The following PDGFB variants were observed in gnomAD, a reference collection of about 807,000 sequenced individuals.
PDGFB encodes platelet-derived growth factor subunit B.
Under a neutral mutation model 29.0 loss-of-function variants are expected in PDGFB, and 6 were observed. The ratio of observed to expected loss-of-function variants is 0.21; its 90% CI spans 0.11 to 0.41. The LOEUF (loss-of-function observed/expected upper bound fraction) is 0.41. PDGFB is among the 10% of genes least tolerant of loss of function. The pLI is 1.00. For missense variants in PDGFB, 299 were observed against 341.8 expected (o/e 0.87, Z 0.99); for synonymous variants, 144 against 140.8 (o/e 1.02, Z -0.16).
chr22:39,228,975 C>A (rs1337901604), intron 5 of PDGFB, among the ~76,000 whole-genome samples: 1 of 151,162 alleles, frequency 6.6e-6, no homozygotes, highest in Non-Finnish European at 1.5e-5. Context: ...TACAACATGT[C>A]AGTTTGAAGC....
chr22:39,242,530 C>T lies in PDGFB; in HGVS notation c.63+1371G>A, dbSNP rs534895535. Among the ~76,000 whole-genome samples the T allele has an allele frequency of 6.2e-3, 937 of 150,588 alleles. 15 individuals are homozygous for T. The highest frequency in any genetic ancestry group is 0.022 in the African/African-American group (908 of 41,324). ...GGGCCTGAAGGCGGCCCGGCCGAGC[C>T]CCGCGTCCTCCCTCCCGGGTGCGGG... On this transcript the variant is annotated intron_variant, in intron 1 of 6. Coordinates refer to ENST00000331163, the MANE Select transcript of PDGFB (RefSeq NM_002608.4). This position sits in a 1 kb window ranked among gnomAD's most constrained non-coding sequence, Gnocchi z 5.7.
chr22:39,232,033 TG>T (rs1277495603), intron 3 of PDGFB, among the ~76,000 whole-genome samples: 1 of 103,992 alleles, frequency 9.6e-6, no homozygotes, highest in East Asian at 2.7e-4. Flanking sequence ...CATCTGAAAA[TG>T]GGACCATGAG....
Position 39,243,626 on chromosome 22 carries a change from T to G in PDGFB, c.63+275A>C, listed in dbSNP as rs1162696165. 2.0e-5 allele frequency among the ~76,000 whole-genome samples: 3 copies of G among 151,438 alleles called. No individual in the cohort carries two copies. Among genetic ancestry groups the G allele is most frequent in the African/African-American group, 7.3e-5 (3 of 41,208 alleles). ...GGCTTGTTCTCGGGTTCCCAAAGGGTGGGGGACAGGGCCACACACACCCTC... is the reference window on the plus strand; with the variant it reads ...GGCTTGTTCTCGGGTTCCCAAAGGGGGGGGGACAGGGCCACACACACCCTC... On this transcript the variant is annotated intron_variant, in intron 1 of 6. Transcript: ENST00000331163. This position sits in a 1 kb window ranked among gnomAD's most constrained non-coding sequence, Gnocchi z 6.4.
intron 5 of PDGFB, 111 bp from the exon 6 acceptor site, chr22:39,225,958 G>A: frequency 7.8e-7 from 1 of 1,276,826 alleles, no homozygotes; most frequent in South Asian, 1.5e-5. Context: ...GACAGGAGGG[G>A]AATCTGGACC....
rs964230701 is a variant in PDGFB, at chr22:39,224,713, C to T, written c.*629G>A. ...CCAGCCACTTGGTGTGCTGGCCACA[C>T]CCACCAAGAGGAGTCCACGTCTTCA... On this transcript the variant is annotated 3_prime_UTR_variant, in exon 7 of 7. Transcript: ENST00000331163. The T allele has an allele frequency of 6.6e-5, 10 of 152,350 alleles. No individual in the cohort carries two copies. Among genetic ancestry groups the T allele is most frequent in the Non-Finnish European group, 1.2e-4 (8 of 68,052 alleles). 9.4% of individuals were successfully genotyped at this position (152,350 alleles called of 1,614,324 possible).
intron 5 of PDGFB, among the ~76,000 whole-genome samples, chr22:39,229,671 T>C (rs2285100): frequency 0.37 from 56,414 of 151,972 alleles, 10,978 homozygotes; most frequent in Middle Eastern, 0.48. Context: ...CTGCTCTGGA[T>C]GGGGTGGTCA....
intron 2 of PDGFB, 66 bp from the exon 3 acceptor site, chr22:39,233,590 G>T (rs1226857230): frequency 2.7e-5 from 32 of 1,170,854 alleles, no homozygotes; most frequent in Non-Finnish European, 3.7e-5. Context: ...CTCCGCCGGG[G>T]TGTCTGGGCA....
At chr22:39,225,358 G>A (rs1320143175) in intron 6 of PDGFB, 45 bp from the exon 7 acceptor site, 1 of 193,808 alleles carries the variant, frequency 5.2e-6, no homozygotes, top group African/African-American at 2.3e-5. Context: ...ACAGCCTAGA[G>A]GGTCCATCCC....
At chr22:39,237,834 G>C (rs2146449800) in intron 1 of PDGFB, among the ~76,000 whole-genome samples, 1 of 152,360 alleles carries the variant, frequency 6.6e-6, no homozygotes, top group East Asian at 1.9e-4. Context: ...CGAGGGGCTT[G>C]AAGAACATTC....
At chr22:39,230,834 G>A (rs998929394) in intron 4 of PDGFB, among the ~76,000 whole-genome samples, 2 of 152,232 alleles carry the variant, frequency 1.3e-5, no homozygotes, top group South Asian at 2.1e-4. Flanking sequence ...GGCAAGGGCC[G>A]GTGCTGAGCT....
In PDGFB at chr22:39,243,259, TC is replaced by T. The variant is rs1169657847; in HGVS notation, c.63+641del. 6.5e-5 allele frequency among the ~76,000 whole-genome samples: 2 copies of T among 30,924 alleles called. No individual in the cohort carries two copies. Among genetic ancestry groups the T allele is most frequent in the Non-Finnish European group, 2.0e-4 (2 of 10,114 alleles). 20.3% of individuals were successfully genotyped at this position (30,924 alleles called of 152,430 possible). A position where few individuals can be genotyped will look rare whatever the true frequency, so the allele number is the denominator to read the frequency against. ...CTCTCCGTCTCTCTCTCCGTCTCTC[TC>T]TCTCTCTCTCTCTTTCTCTCTCTCT... On this transcript the variant is annotated intron_variant, in intron 1 of 6. Coordinates refer to ENST00000331163, the MANE Select transcript of PDGFB (RefSeq NM_002608.4). This position sits in a 1 kb window ranked among gnomAD's most constrained non-coding sequence, Gnocchi z 6.4.
At chr22:39,239,281 T>G (rs1932514196) in intron 1 of PDGFB, among the ~76,000 whole-genome samples, 1 of 152,102 alleles carries the variant, frequency 6.6e-6, no homozygotes, top group Admixed American at 6.6e-5. Flanking sequence ...GAGAGCTGCC[T>G]GCCCATGAAA....
chr22:39,235,242 G>A (rs189635901), intron 2 of PDGFB, among the ~76,000 whole-genome samples: 1 of 152,174 alleles, frequency 6.6e-6, no homozygotes, highest in Non-Finnish European at 1.5e-5. Flanking sequence ...GAATAGAATG[G>A]AATTTGCTCT....
intron 5 of PDGFB, among the ~76,000 whole-genome samples, chr22:39,226,907 T>A (rs748569195): frequency 2.6e-5 from 4 of 152,246 alleles, no homozygotes; most frequent in Non-Finnish European, 5.9e-5. Context: ...CTCCCACGTA[T>A]CGTGGACATT....
chr22:39,228,504 G>A (rs572047160), intron 5 of PDGFB, among the ~76,000 whole-genome samples: 3 of 152,134 alleles, frequency 2.0e-5, no homozygotes, highest in African/African-American at 7.2e-5. Context: ...AGGGAGGCTC[G>A]CTTGAGCCCA....
chr22:39,244,833 A>G lies in PDGFB; in HGVS notation c.-870T>C. On this transcript the variant is annotated 5_prime_UTR_variant, in exon 1 of 7. Transcript: ENST00000331163. This position sits in a 1 kb window ranked among gnomAD's most constrained non-coding sequence, Gnocchi z 4.5. Reference sequence around the variant, plus strand: ...TTTTTTTTTTCCTTTTTGCGCGCGTATGTATGTGTGTGCGCGCAAAGTATC... The same window carrying G: ...TTTTTTTTTTCCTTTTTGCGCGCGTGTGTATGTGTGTGCGCGCAAAGTATC... The G allele has an allele frequency of 6.5e-6, 1 of 153,046 alleles. No individual in the cohort carries two copies. The allele number at this position is 153,046 out of a possible 1,614,324, so 9.5% of individuals were successfully genotyped here. A position where few individuals can be genotyped will look rare whatever the true frequency, so the allele number is the denominator to read the frequency against.
In PDGFB at chr22:39,225,858, AAAAG is replaced by A. The variant is rs1235488306; in HGVS notation, c.602-15_602-12del. 6 of 1,608,766 alleles carry A rather than the reference AAAAG, an allele frequency of 3.7e-6. No homozygotes were observed. Among genetic ancestry groups the A allele is most frequent in the Non-Finnish European group, 5.1e-6 (6 of 1,176,020 alleles). On this transcript the variant is annotated splice_polypyrimidine_tract_variant and intron_variant, in intron 5 of 6. Coordinates refer to ENST00000331163, the MANE Select transcript of PDGFB (RefSeq NM_002608.4). ...TTTGGGGCGTTTTGGCTGCACAAGA[AAAAG>A]AAAGACCTCGTCAGCATGTGGACCA...
At chr22:39,228,299 T>C (rs945013536) in intron 5 of PDGFB, among the ~76,000 whole-genome samples, 2 of 152,186 alleles carry the variant, frequency 1.3e-5, no homozygotes, top group African/African-American at 4.8e-5. Flanking sequence ...ACTCTAAACA[T>C]AAAGAAGGCC....
intron 1 of PDGFB, among the ~76,000 whole-genome samples, chr22:39,241,508 T>C (rs1364152748): frequency 2.0e-5 from 3 of 152,210 alleles, no homozygotes; most frequent in Non-Finnish European, 2.9e-5. Flanking sequence ...TGTTCAAGAA[T>C]GCTGTGACTA....
Sources: gnomAD v4.1 joint callset for allele counts (sites outside exome capture counted in the v4.1 genomes callset) on GRCh38, gnomAD v4.1.1 for gene constraint, Gnocchi (gnomAD v3.1) non-coding constraint, MANE v1.5 for transcripts, NCBI Gene and HGNC (gene_info 2026-07-23, HGNC 2026-07-21) for gene names.